OTC: variants seen among roughly 807,000 people sequenced by gnomAD.
OTC encodes the protein ornithine transcarbamylase, mitochondrial.
A neutral mutation model predicts 30.3 loss-of-function variants in OTC; 3 were observed. That is an observed-to-expected ratio of 0.10 (90% CI 0.05 to 0.26). The LOEUF (loss-of-function observed/expected upper bound fraction) is 0.26, where lower values mean the gene tolerates loss of function less well. Among genes scored for constraint, OTC ranks in the 10% least tolerant of loss-of-function variants. The pLI, the probability that OTC is intolerant of heterozygous loss-of-function variation, is 1.00. For synonymous variants in OTC, 111 were observed against 99.7 expected, an observed-to-expected ratio of 1.11 and a Z score of -0.67; for missense variants, 194 against 260.3, an observed-to-expected ratio of 0.75 and a Z score of 1.75.
At chrX:38,361,586 G>C (rs917466221) in intron 1 of OTC, among the ~76,000 whole-genome samples, 3 of 112,141 alleles carry the variant, frequency 2.7e-5, no homozygotes, top group Non-Finnish European at 3.8e-5. Context: ...AAAGGAAAAT[G>C]TTGAAAGTTT....
At chrX:38,394,897 G>C (rs772321975) in intron 4 of OTC, among the ~76,000 whole-genome samples, 2 of 111,024 alleles carry the variant, frequency 1.8e-5, no homozygotes, top group East Asian at 2.8e-4. Flanking sequence ...AGTTTCTGGG[G>C]GGGGGCAGGG....
intron 3 of OTC, among the ~76,000 whole-genome samples, chrX:38,371,594 T>G (rs1361423188): frequency 5.4e-5 from 6 of 111,957 alleles, no homozygotes; most frequent in Non-Finnish European, 1.1e-4. Context: ...CAAATAGATA[T>G]CAAAAAGAAA....
upstream of OTC, among the ~76,000 whole-genome samples, chrX:38,351,145 G>T (rs1025863862): frequency 1.8e-5 from 2 of 111,993 alleles, no homozygotes; most frequent in Non-Finnish European, 3.8e-5. Context: ...GGAAATGTCA[G>T]TCTTTCCCCT....
At chrX:38,346,427 A>G in the OTC span, among the ~76,000 whole-genome samples, 5 of 112,437 alleles carry the variant, frequency 4.4e-5, no homozygotes, top group African/African-American at 1.6e-4. Flanking sequence ...TATAACTACC[A>G]GATATACAGC....
At chrX:38,420,125 T>C (rs1181574479) in intron 9 of OTC, among the ~76,000 whole-genome samples, 1 of 111,385 alleles carries the variant, frequency 9.0e-6, no homozygotes, top group East Asian at 2.8e-4. Flanking sequence ...CATAAATGTA[T>C]ACAATTATAA....
At chrX:38,411,723 A>C (rs1306845533) in intron 8 of OTC, 139 bp from the exon 9 acceptor site, 4 of 617,911 alleles carry the variant, frequency 6.5e-6, no homozygotes, top group Non-Finnish European at 1.1e-5. Context: ...TCTTGAGATA[A>C]AACCATCACT....
the OTC span, among the ~76,000 whole-genome samples, chrX:38,336,043 C>A: frequency 9.0e-6 from 1 of 110,951 alleles, no homozygotes; most frequent in African/African-American, 3.3e-5. Flanking sequence ...CAGATTACAC[C>A]CTCTTGTTAG....
intron 8 of OTC, 72 bp downstream of exon 8, chrX:38,409,097 C>A: frequency 1.9e-6 from 2 of 1,052,991 alleles, no homozygotes; most frequent in South Asian, 1.9e-5. Flanking sequence ...ATCACTTATT[C>A]ACTTTAGGGG....
chrX:38,411,032 C>T (rs1291221130), intron 8 of OTC, among the ~76,000 whole-genome samples: 1 of 111,629 alleles, frequency 9.0e-6, no homozygotes, highest in Non-Finnish European at 1.9e-5. Flanking sequence ...ACTGCTAGTA[C>T]ATTTGCATTA....
intron 3 of OTC, among the ~76,000 whole-genome samples, chrX:38,377,081 G>C (rs1433735962): frequency 1.8e-5 from 2 of 111,325 alleles, no homozygotes; most frequent in Non-Finnish European, 3.8e-5. Context: ...TACAAAACAA[G>C]TACCCCAAAT....
In OTC at chrX:38,412,940, T is replaced by C. The variant is rs5963419; in HGVS notation, c.1005+941T>C. Among the ~76,000 whole-genome samples, 56,631 of 110,358 alleles carry C rather than the reference T, an allele frequency of 0.51. 12,162 individuals are homozygous for C. Among genetic ancestry groups the C allele is most frequent in the African/African-American group, 0.82 (24,938 of 30,293 alleles). On this transcript the variant is annotated intron_variant, in intron 9 of 9. Coordinates refer to ENST00000039007, the MANE Select transcript of OTC (RefSeq NM_000531.6). ...ACTGACACAGCCTGGTACCTGAGGC[T>C]CTTGAAACCAGATGTCAGATACTCC... is the stretch of plus-strand genomic sequence containing the variant.
chrX:38,332,551 T>C, the OTC span, among the ~76,000 whole-genome samples: 1 of 83,498 alleles, frequency 1.2e-5, no homozygotes, highest in East Asian at 4.4e-4. Flanking sequence ...CATAATACTA[T>C]AGTCTATTCC....
the OTC span, among the ~76,000 whole-genome samples, chrX:38,328,911 A>G: frequency 2.3e-4 from 26 of 111,738 alleles, no homozygotes; most frequent in South Asian, 3.7e-4. Flanking sequence ...TCAACAGGAA[A>G]TGGTTTCTGA....
intron 3 of OTC, chrX:38,373,702 A>G (rs1300001614): frequency 8.9e-6 from 1 of 112,546 alleles, no homozygotes; most frequent in Non-Finnish European, 1.9e-5. Flanking sequence ...AGCCAAGCAC[A>G]GAGAGGTTAA....
chrX:38,363,274 C>G (rs745845229), intron 1 of OTC, among the ~76,000 whole-genome samples: 42 of 111,700 alleles, frequency 3.8e-4, no homozygotes, highest in Non-Finnish European at 7.0e-4. Flanking sequence ...GTATTCTTCC[C>G]CTTTTAAAAT....
chrX:38,362,422 G>A (rs1230607624), intron 1 of OTC, among the ~76,000 whole-genome samples: 8 of 111,854 alleles, frequency 7.2e-5, no homozygotes, highest in African/African-American at 2.6e-4. Context: ...AGCATTATCA[G>A]CTGCTGCCAT....
At chrX:38,355,051 T>G (rs2068233619) in intron 1 of OTC, among the ~76,000 whole-genome samples, 1 of 111,897 alleles carries the variant, frequency 8.9e-6, no homozygotes, top group Non-Finnish European at 1.9e-5. Context: ...CACGTGAGTT[T>G]ACTACTCCAG....
chrX:38,394,554 C>T (rs1464446695), intron 4 of OTC, among the ~76,000 whole-genome samples: 5 of 111,298 alleles, frequency 4.5e-5, no homozygotes, highest in African/African-American at 1.6e-4. Context: ...GTCCATCTCT[C>T]CCATTTGCTT....
chrX:38,415,098 A>T (rs1199370158), intron 9 of OTC, among the ~76,000 whole-genome samples: 2 of 110,347 alleles, frequency 1.8e-5, no homozygotes, highest in Non-Finnish European at 3.8e-5. Flanking sequence ...TTATTTTTTG[A>T]GACAGAGTCT....
Sources: allele counts gnomAD v4.1 joint callset (sites outside exome capture counted in the v4.1 genomes callset), GRCh38; gene constraint gnomAD v4.1.1; transcripts MANE v1.5; gene names NCBI Gene and HGNC (gene_info 2026-07-23, HGNC 2026-07-21).